The following BPHL variants were observed in gnomAD, a reference collection of about 807,000 sequenced individuals.
BPHL encodes serine hydrolase BPHL.
Under a neutral mutation model 31.2 loss-of-function variants are expected in BPHL, and 27 were observed. The observed-to-expected ratio is 0.87, with a 90% CI of 0.64 to 1.19. BPHL has a LOEUF of 1.19. Among genes scored for constraint, BPHL ranks in the 50% most tolerant of loss-of-function variants. BPHL has a pLI of 0.00. For missense variants in BPHL, 356 were observed against 375.7 expected (o/e 0.95, Z 0.43); for synonymous variants, 150 against 146.8 (o/e 1.02, Z -0.16).
intron 6 of BPHL, among the ~76,000 whole-genome samples, chr6:3,152,222 G>A (rs999576262): frequency 5.9e-5 from 9 of 152,180 alleles, no homozygotes; most frequent in Non-Finnish European, 1.3e-4. Context: ...TTTGTTACTT[G>A]ATTCAGTTCC....
intron 6 of BPHL, among the ~76,000 whole-genome samples, chr6:3,151,748 A>G (rs1561804023): frequency 6.6e-6 from 1 of 152,246 alleles, no homozygotes; most frequent in Non-Finnish European, 1.5e-5. Flanking sequence ...TAGAACAAAG[A>G]GAAGGCTGCA....
At chr6:3,148,381 T>G (rs1044509000) in intron 6 of BPHL, among the ~76,000 whole-genome samples, 6 of 152,230 alleles carry the variant, frequency 3.9e-5, no homozygotes, top group African/African-American at 1.2e-4. Context: ...GGCAGGCCAG[T>G]GGGAGCCTTA....
At chr6:3,131,925 G>A (rs887697633) in intron 4 of BPHL, among the ~76,000 whole-genome samples, 1 of 152,120 alleles carries the variant, frequency 6.6e-6, no homozygotes, top group Non-Finnish European at 1.5e-5. Flanking sequence ...CCTGGACCCC[G>A]CCACACCTTG....
chr6:3,143,648 C>CT (rs1581481928), intron 6 of BPHL, among the ~76,000 whole-genome samples: 2 of 152,338 alleles, frequency 1.3e-5, no homozygotes, highest in East Asian at 3.9e-4. Context: ...ACATTTCCTC[C>CT]TATAAGTACA....
intron 6 of BPHL, among the ~76,000 whole-genome samples, chr6:3,141,751 T>A (rs917152636): frequency 6.6e-6 from 1 of 151,946 alleles, no homozygotes; most frequent in Non-Finnish European, 1.5e-5. Context: ...AGGCAGGCGG[T>A]TCACTTGAGG....
intron 5 of BPHL, chr6:3,139,727 T>C (rs1392189363): frequency 6.6e-6 from 1 of 152,326 alleles, no homozygotes; most frequent in Non-Finnish European, 1.5e-5. Flanking sequence ...TGATTGTTCC[T>C]GTTTGTGGCT....
rs1459756314 is a variant in BPHL at position 3,140,266 on chromosome 6, C to T, written c.665-120C>T. The T allele has an allele frequency of 1.3e-5, 17 of 1,326,608 alleles. No homozygotes were observed. Among genetic ancestry groups the T allele is most frequent in the Non-Finnish European group, 1.6e-5 (15 of 965,634 alleles). 82.2% of individuals were successfully genotyped at this position (1,326,608 alleles called of 1,614,324 possible). ...CCCAGGCACGGTCAAATCCAAAACA[C>T]AGTTTTTACGGATAGGGAAACTGAG... On this transcript the variant is annotated intron_variant, in intron 5 of 6. Coordinates refer to ENST00000380379, the MANE Select transcript of BPHL (RefSeq NM_004332.4). This position sits in a 1 kb window ranked among gnomAD's most constrained non-coding sequence, Gnocchi z 5.2.
chr6:3,139,839 C>CT (rs1762121830), intron 5 of BPHL: 2 of 152,752 alleles, frequency 1.3e-5, no homozygotes, highest in South Asian at 4.1e-4. Flanking sequence ...CAGGAAAGTT[C>CT]TCATAAATGG....
rs1581464856 is a variant in BPHL at position 3,127,121 on chromosome 6, C to T, written c.212-121C>T. On this transcript the variant is annotated intron_variant, in intron 2 of 6. Coordinates refer to ENST00000380379, the MANE Select transcript of BPHL (RefSeq NM_004332.4). ...CATTGCAAGGCTGCTTTCCTGATTA[C>T]ATTCTGACCACTTTGAGTAGAAACT... The T allele has an allele frequency of 1.3e-5, 8 of 639,940 alleles. No homozygotes were observed. In the East Asian group the frequency reaches 2.3e-4, roughly 18 times the overall value. The allele number at this position is 639,940 out of a possible 1,614,324, so 39.6% of individuals were successfully genotyped here.
Position 3,119,490 on chromosome 6 carries a change from T to G in BPHL, c.107+643T>G, listed in dbSNP as rs531533102. The G allele has an allele frequency of 3.1e-6, 5 of 1,614,124 alleles. No individual in the cohort carries two copies. The African/African-American group carries it at 5.3e-5, about 17-fold the overall frequency. On this transcript the variant is annotated intron_variant, in intron 1 of 6. Coordinates refer to ENST00000380379, the MANE Select transcript of BPHL (RefSeq NM_004332.4). ...GAATCTGCTTTATTCTCTTTTGTCC[T>G]CCCACCTGTCCCCCCATTTCAGGTA...
intron 4 of BPHL, among the ~76,000 whole-genome samples, chr6:3,132,041 C>T (rs1413128279): frequency 6.6e-6 from 1 of 152,194 alleles, no homozygotes; most frequent in Non-Finnish European, 1.5e-5. Context: ...TCTGACTTTC[C>T]TTTCTTGATG....
rs754824071 is a variant in BPHL, at chr6:3,140,378, T to C, written c.665-8T>C. The C allele has an allele frequency of 5.6e-6, 9 of 1,614,096 alleles. No homozygotes were observed. The East Asian group carries it at 2.0e-4, about 36-fold the overall frequency. On this transcript the variant is annotated splice_region_variant and splice_polypyrimidine_tract_variant and intron_variant, in intron 5 of 6. Coordinates refer to ENST00000380379, the MANE Select transcript of BPHL (RefSeq NM_004332.4). The surrounding 1 kb of genome is among the most constrained non-coding windows in gnomAD (Gnocchi z 5.2). Reference sequence around the variant, plus strand: ...TAAAGCAGATTCCTCGTGCTGTGTATCCGTCAGGTAACATCTGCCGGCACC... The same window carrying C: ...TAAAGCAGATTCCTCGTGCTGTGTACCCGTCAGGTAACATCTGCCGGCACC...
intron 1 of BPHL, among the ~76,000 whole-genome samples, chr6:3,123,076 G>C (rs1486559264): frequency 6.6e-6 from 1 of 152,248 alleles, no homozygotes; most frequent in Admixed American, 6.5e-5. Context: ...GCCATTGATT[G>C]AGCAAGCCGC....
At chr6:3,121,073 T>C (rs748814834) in intron 1 of BPHL, among the ~76,000 whole-genome samples, 15 of 152,158 alleles carry the variant, frequency 9.9e-5, no homozygotes, top group Non-Finnish European at 1.3e-4. Context: ...AAACAATAAA[T>C]GTAAAAGCCT....
At chr6:3,146,535 T>C (rs1454906526) in intron 6 of BPHL, among the ~76,000 whole-genome samples, 3 of 5,496 alleles carry the variant, frequency 5.5e-4, no homozygotes, top group East Asian at 0.011. Flanking sequence ...AGTGCTGGTT[T>C]GGGTCGAGTG....
intron 6 of BPHL, among the ~76,000 whole-genome samples, chr6:3,145,687 C>G (rs183502493): frequency 0.02 from 442 of 22,444 alleles, 130 homozygotes; most frequent in Non-Finnish European, 0.034. Flanking sequence ...TGGTTTGGGT[C>G]GAGTGCTGGT....
At chr6:3,121,116 C>A (rs11961422) in intron 1 of BPHL, among the ~76,000 whole-genome samples, 1 of 151,954 alleles carries the variant, frequency 6.6e-6, no homozygotes, top group African/African-American at 2.4e-5. Flanking sequence ...AATTAGTAGG[C>A]ACAATGGGAA....
At position 3,140,204 on chromosome 6, in the gene BPHL, A is replaced by G; in HGVS notation, c.665-182A>G. ...ACAAACAAGAAACAGAGAGAAACAG[A>G]AAAGGGAACCCAAAGAATGTTAGAG... On this transcript the variant is annotated intron_variant, in intron 5 of 6. Transcript: ENST00000380379. The surrounding 1 kb of genome is among the most constrained non-coding windows in gnomAD (Gnocchi z 5.2). The G allele has an allele frequency of 4.3e-6, 3 of 698,246 alleles. No individual in the cohort carries two copies. The East Asian group carries it at 8.9e-5, about 21-fold the overall frequency. The allele number at this position is 698,246 out of a possible 1,614,324, so 43.3% of individuals were successfully genotyped here.
chr6:3,127,530 C>G (rs747181815), intron 3 of BPHL, 122 bp downstream of exon 3: 25 of 822,830 alleles, frequency 3.0e-5, no homozygotes, highest in Non-Finnish European at 4.2e-5. Flanking sequence ...TATAGAAAAC[C>G]CCAAGAGTTC....
Sources: allele counts gnomAD v4.1 joint callset (sites outside exome capture counted in the v4.1 genomes callset), GRCh38; gene constraint gnomAD v4.1.1; non-coding constraint Gnocchi (gnomAD v3.1); transcripts MANE v1.5; gene names NCBI Gene and HGNC (gene_info 2026-07-23, HGNC 2026-07-21).